The following ZNF236 variants were observed in gnomAD, a reference collection of about 807,000 sequenced individuals.
ZNF236 encodes the protein zinc finger protein 236.
In ZNF236, 50 loss-of-function variants were observed where a neutral mutation model predicts 191.2. The observed-to-expected ratio is 0.26, with a 90% CI of 0.21 to 0.33. ZNF236 has a LOEUF of 0.33. ZNF236 is among the 10% of genes least tolerant of loss of function. The pLI is 1.00. For missense variants in ZNF236, 1,754 were observed against 2,374.5 expected, an observed-to-expected ratio of 0.74 and a Z score of 5.43; for synonymous variants, 907 against 928.8, an observed-to-expected ratio of 0.98 and a Z score of 0.43.
In ZNF236 at chr18:76,915,840, T is replaced by C; in HGVS notation, c.3255T>C (p.Thr1085=). 6.2e-7 allele frequency: 1 copy of C among 1,613,090 alleles called. No homozygotes were observed. Among genetic ancestry groups the C allele is most frequent in the Non-Finnish European group, 8.5e-7 (1 of 1,179,038 alleles). ...CAGTCCCCTCTGCTGTGTCAGCCACTGGAGAGACAGAAGGAGGAGGTATTT... is the reference window on the plus strand; with the variant it reads ...CAGTCCCCTCTGCTGTGTCAGCCACCGGAGAGACAGAAGGAGGAGGTATTT... ...HQTVPSAVSA[T]GETEGGDICM... Residue 1085 remains threonine (T), a synonymous_variant, in exon 19 of 31, where the codon ACT becomes ACC. Coordinates refer to ENST00000320610, the MANE Select transcript of ZNF236 (RefSeq NM_001306089.2).
chr18:76,916,779 G>A (rs1967377511), intron 19 of ZNF236, among the ~76,000 whole-genome samples: 2 of 152,198 alleles, frequency 1.3e-5, no homozygotes, highest in Admixed American at 1.3e-4. Context: ...CGGCCATCCT[G>A]TCCTGGCACA....
intron 26 of ZNF236, among the ~76,000 whole-genome samples, chr18:76,938,284 G>A (rs758456820): frequency 3.9e-5 from 6 of 152,108 alleles, no homozygotes; most frequent in Non-Finnish European, 7.4e-5. Flanking sequence ...TAGGTACTCC[G>A]GGGGCTGAGG....
intron 9 of ZNF236, among the ~76,000 whole-genome samples, chr18:76,883,911 C>T (rs1976971474): frequency 6.6e-6 from 1 of 152,302 alleles, no homozygotes. Context: ...TTGCTTATAA[C>T]TAACCTTCAT....
chr18:76,921,569 G>A (rs1599395985), intron 20 of ZNF236, among the ~76,000 whole-genome samples: 1 of 152,210 alleles, frequency 6.6e-6, no homozygotes, highest in Middle Eastern at 3.4e-3. Context: ...AGATGAGAAA[G>A]TCAGGCCTGG....
At chr18:76,918,324 T>C (rs942906932) in intron 19 of ZNF236, among the ~76,000 whole-genome samples, 1 of 152,220 alleles carries the variant, frequency 6.6e-6, no homozygotes, top group Admixed American at 6.5e-5. Flanking sequence ...GTTCCTGATA[T>C]CAAACAGCAT....
At chr18:76,840,505 GA>G (rs1404195938) in intron 1 of ZNF236, among the ~76,000 whole-genome samples, 1 of 148,940 alleles carries the variant, frequency 6.7e-6, no homozygotes, top group Non-Finnish European at 1.5e-5. Flanking sequence ...AAAAAAAAAA[GA>G]AAAAGAGGGA....
chr18:76,866,102 C>T (rs1404047295), intron 3 of ZNF236, among the ~76,000 whole-genome samples: 1 of 152,198 alleles, frequency 6.6e-6, no homozygotes, highest in African/African-American at 2.4e-5. Context: ...TTGAAGGTCA[C>T]ATTATTTTTT....
At chr18:76,883,757 C>T (rs1976967618) in intron 9 of ZNF236, among the ~76,000 whole-genome samples, 1 of 152,056 alleles carries the variant, frequency 6.6e-6, no homozygotes, top group African/African-American at 2.4e-5. Context: ...AAAGATGTTC[C>T]TTTTAATTAA....
chr18:76,954,997 A>G (rs930052025), intron 27 of ZNF236, among the ~76,000 whole-genome samples: 2 of 152,246 alleles, frequency 1.3e-5, no homozygotes, highest in Non-Finnish European at 2.9e-5. Context: ...AGAATTAATG[A>G]AAAAGTATTT....
At position 76,927,983 on chromosome 18, in the gene ZNF236, G is replaced by A. The variant is rs200399832; in HGVS notation, c.4471G>A (p.Gly1491Ser). Residue 1491 changes from glycine (G) to serine (S), a missense_variant, in exon 25 of 31, where the codon GGT (glycine) becomes AGT (serine). Physicochemically the swap from Gly to Ser is moderately conservative, Grantham distance 56 (BLOSUM62 0). This residue lies in a region of ZNF236 where 606 missense variants were observed against 761.5 expected (regional missense o/e 0.80). Coordinates refer to ENST00000320610, the MANE Select transcript of ZNF236 (RefSeq NM_001306089.2). This position sits in a 1 kb window ranked among gnomAD's most constrained non-coding sequence, Gnocchi z 5.4. ...GCAAGGTCTAGTGTCCCCCTCCGGC[G>A]GTCCCCACGAGATCACCCTGACCAT... is the stretch of plus-strand genomic sequence containing the variant. ...TSQGLVSPSG[G>S]PHEITLTINN... is the part of the protein sequence containing the mutation. 16 of 1,613,226 alleles carry A rather than the reference G, an allele frequency of 9.9e-6. No homozygotes were observed. Among genetic ancestry groups the A allele is most frequent in the East Asian group, 6.7e-5 (3 of 44,808 alleles).
intron 26 of ZNF236, among the ~76,000 whole-genome samples, chr18:76,941,889 G>T (rs1055297350): frequency 1.3e-5 from 2 of 152,090 alleles, no homozygotes; most frequent in Admixed American, 1.3e-4. Flanking sequence ...TTAGACTTGT[G>T]CTGATTTAAT....
At chr18:76,955,853 A>T in intron 27 of ZNF236, 132 bp from the exon 28 acceptor site, 3 of 975,624 alleles carry the variant, frequency 3.1e-6, no homozygotes, top group Non-Finnish European at 4.8e-6. Flanking sequence ...TATCCTGATG[A>T]TAGGACATGC....
intron 1 of ZNF236, among the ~76,000 whole-genome samples, chr18:76,831,033 G>GT (rs1975155936): frequency 6.6e-6 from 1 of 152,132 alleles, no homozygotes; most frequent in African/African-American, 2.4e-5. Flanking sequence ...TCTCCTATTG[G>GT]TAACATCTTG....
intron 30 of ZNF236, among the ~76,000 whole-genome samples, 155 bp from the exon 31 acceptor site, chr18:76,968,060 C>T (rs1968827476): frequency 6.6e-6 from 1 of 152,188 alleles, no homozygotes; most frequent in African/African-American, 2.4e-5. Context: ...GGTGTTTCAC[C>T]TGCAGCTCAA....
chr18:76,929,301 A>G (rs1427729714), intron 25 of ZNF236, among the ~76,000 whole-genome samples: 1 of 152,162 alleles, frequency 6.6e-6, no homozygotes, highest in Non-Finnish European at 1.5e-5. Context: ...GCAAAAATTA[A>G]CATTGAATTT....
intron 10 of ZNF236, 87 bp from the exon 11 acceptor site, chr18:76,898,932 T>C (rs1977512352): frequency 8.9e-7 from 1 of 1,128,586 alleles, no homozygotes. Flanking sequence ...CAAATCAGTA[T>C]TGGAAATAAT....
intron 1 of ZNF236, among the ~76,000 whole-genome samples, chr18:76,844,348 G>A (rs1395758915): frequency 2.6e-5 from 4 of 152,090 alleles, no homozygotes; most frequent in South Asian, 4.1e-4. Context: ...TACTTCTAAC[G>A]ACAGCATCTG....
In ZNF236 at chr18:76,868,856, A is replaced by G. The variant is rs1410789152; in HGVS notation, c.535A>G (p.Lys179Glu). ...GAAGGAACACATGAAGACTCATTAC[A>G]AAATTAGGTATGAGTCATTACATGG... ...ELKEHMKTHY[K>E]IRVSSTRSYN... Residue 179 changes from lysine (K) to glutamate (E), a missense_variant, in exon 4 of 31, where the codon AAA becomes GAA. This residue lies in a region of ZNF236 where 336 missense variants were observed against 495.1 expected (regional missense o/e 0.68). Coordinates refer to ENST00000320610, the MANE Select transcript of ZNF236 (RefSeq NM_001306089.2). 1 of 1,602,376 alleles carries G rather than the reference A, an allele frequency of 6.2e-7. No homozygotes were observed. Among genetic ancestry groups the G allele is most frequent in the Admixed American group, 1.7e-5 (1 of 58,418 alleles).
intron 1 of ZNF236, among the ~76,000 whole-genome samples, chr18:76,831,075 A>G (rs1487175658): frequency 6.6e-6 from 1 of 152,222 alleles, no homozygotes; most frequent in Non-Finnish European, 1.5e-5. Flanking sequence ...CAATGTTGAT[A>G]CATTGTTATT....
Sources: allele counts gnomAD v4.1 joint callset (sites outside exome capture counted in the v4.1 genomes callset), GRCh38; gene constraint gnomAD v4.1.1; regional missense constraint gnomAD v4.1.1; non-coding constraint Gnocchi (gnomAD v3.1); transcripts MANE v1.5; gene names NCBI Gene and HGNC (gene_info 2026-07-23, HGNC 2026-07-21).